The following JHY variants were observed in gnomAD, a reference collection of about 807,000 sequenced individuals.
JHY encodes jhy protein homolog.
Under a neutral mutation model 78.0 loss-of-function variants are expected in JHY, and 69 were observed. The ratio of observed to expected loss-of-function variants is 0.88; its 90% CI spans 0.73 to 1.08. The LOEUF is 1.08. Ranked by LOEUF, JHY falls within the 50% of genes least tolerant of loss-of-function variation. JHY has a pLI of 0.00. For missense variants in JHY, 944 were observed against 927.8 expected (o/e 1.02, Z -0.23); for synonymous variants, 368 against 342.6 (o/e 1.07, Z -0.82).
At chr11:122,940,441 T>C (rs557286870) in intron 5 of JHY, among the ~76,000 whole-genome samples, 3 of 152,350 alleles carry the variant, frequency 2.0e-5, no homozygotes, top group South Asian at 4.1e-4. Flanking sequence ...TGGATAGTTA[T>C]ATTTAGGTTG....
At chr11:122,887,728 G>A (rs1862526941) in intron 2 of JHY, among the ~76,000 whole-genome samples, 1 of 152,036 alleles carries the variant, frequency 6.6e-6, no homozygotes, top group South Asian at 2.1e-4. Context: ...GATAACAGAA[G>A]AGAATGGGAG....
intron 6 of JHY, among the ~76,000 whole-genome samples, chr11:122,955,131 T>C (rs2135382469): frequency 6.6e-6 from 1 of 152,256 alleles, no homozygotes; most frequent in Non-Finnish European, 1.5e-5. Flanking sequence ...TTGTTGTTGT[T>C]GTTGTTTTAA....
chr11:122,913,457 A>G (rs577115180), intron 3 of JHY, among the ~76,000 whole-genome samples: 1 of 152,266 alleles, frequency 6.6e-6, no homozygotes, highest in Non-Finnish European at 1.5e-5. Context: ...AGTGGTACGA[A>G]AGGCCCTTCC....
At position 122,904,452 on chromosome 11, in the gene JHY, G is replaced by A; in HGVS notation, c.864+8G>A. On this transcript the variant is annotated splice_region_variant and intron_variant, in intron 3 of 8. Coordinates refer to ENST00000227349, the MANE Select transcript of JHY (RefSeq NM_024806.4). ...GAATCTCATCCAGAACAGGTACGTA[G>A]TGGCTACTTTAAAATGTCTTCTGAA... The A allele has an allele frequency of 6.3e-7, 1 of 1,596,394 alleles. No individual in the cohort carries two copies.
chr11:122,960,864 G>A lies in JHY; in HGVS notation c.*1419G>A. ...GCAGAGGAATAACATTGCTATGGCTGTGGAGGTTACTTACTGGGAATGACT... is the reference window on the plus strand; with the variant it reads ...GCAGAGGAATAACATTGCTATGGCTATGGAGGTTACTTACTGGGAATGACT... On this transcript the variant is annotated 3_prime_UTR_variant, in exon 9 of 9. Coordinates refer to ENST00000227349, the MANE Select transcript of JHY (RefSeq NM_024806.4). 3.0e-6 allele frequency: 2 copies of A among 673,438 alleles called. No individual in the cohort carries two copies. Among genetic ancestry groups the A allele is most frequent in the Non-Finnish European group, 5.8e-6 (2 of 345,652 alleles). 41.7% of individuals were successfully genotyped at this position (673,438 alleles called of 1,614,324 possible).
chr11:122,946,902 A>G (rs547986990), intron 6 of JHY, 110 bp downstream of exon 6: 2 of 1,338,408 alleles, frequency 1.5e-6, no homozygotes, highest in East Asian at 4.8e-5. Flanking sequence ...AGTTGCTGCC[A>G]CACTGGGTCG....
rs1171035544 is a variant in JHY, at chr11:122,904,226, A to G, written c.646A>G (p.Ser216Gly). ...CAAGCCGTTTTCAGAGCTGAGCGAC[A>G]GTGACCTGGAGGAGAAGTCGAGCAG... ...RSKPFSELSD[S>G]DLEEKSSSLS... The change falls in exon 3 of 9, where the codon AGT (serine) becomes GGT (glycine). Residue 216 changes from serine to glycine, a missense_variant. Physicochemically the swap from Ser to Gly is moderately conservative, Grantham distance 56. Transcript: ENST00000227349. 1 of 1,614,044 alleles carries G rather than the reference A, an allele frequency of 6.2e-7. No homozygotes were observed. The highest frequency in any genetic ancestry group is 2.2e-5 in the East Asian group (1 of 44,886).
intron 3 of JHY, among the ~76,000 whole-genome samples, chr11:122,915,859 G>T (rs527862564): frequency 6.6e-6 from 1 of 152,278 alleles, no homozygotes; most frequent in Admixed American, 6.5e-5. Flanking sequence ...TTAGGGCACT[G>T]CAGGCAAAGG....
At chr11:122,884,826 G>A (rs1862460011) in intron 1 of JHY, among the ~76,000 whole-genome samples, 1 of 151,962 alleles carries the variant, frequency 6.6e-6, no homozygotes, top group Non-Finnish European at 1.5e-5. Context: ...TTCTGATAGG[G>A]TCACGTTCTG....
In JHY at chr11:122,904,527, T is replaced by C. The variant is rs908818428; in HGVS notation, c.864+83T>C. 6.4e-5 allele frequency: 92 copies of C among 1,435,096 alleles called. No individual in the cohort carries two copies. The African/African-American group carries it at 1.2e-3, about 19-fold the overall frequency. The allele number at this position is 1,435,096 out of a possible 1,614,324, so 88.9% of individuals were successfully genotyped here. On this transcript the variant is annotated intron_variant, in intron 3 of 8. Coordinates refer to ENST00000227349, the MANE Select transcript of JHY (RefSeq NM_024806.4). Reference sequence around the variant, plus strand: ...TTTGCAGTGTCTAGATATCGCTTCCTTTAAGATGACGATGTCATAGCAGCC... The same window carrying C: ...TTTGCAGTGTCTAGATATCGCTTCCCTTAAGATGACGATGTCATAGCAGCC...
intron 3 of JHY, among the ~76,000 whole-genome samples, chr11:122,914,685 T>C (rs1863200160): frequency 6.6e-6 from 1 of 152,026 alleles, no homozygotes; most frequent in Non-Finnish European, 1.5e-5. Context: ...CCTCATGATC[T>C]GCCCGCCTCA....
At chr11:122,889,831 T>C (rs1042542593) in intron 2 of JHY, among the ~76,000 whole-genome samples, 1 of 152,204 alleles carries the variant, frequency 6.6e-6, no homozygotes, top group Non-Finnish European at 1.5e-5. Context: ...CGATCTTGGC[T>C]CACTGCAACC....
At chr11:122,903,074 G>C (rs1862896477) in intron 2 of JHY, among the ~76,000 whole-genome samples, 1 of 152,210 alleles carries the variant, frequency 6.6e-6, no homozygotes, top group Admixed American at 6.5e-5. Context: ...ATTGTACTAT[G>C]ATATTCCAAG....
In JHY at chr11:122,960,124, C is replaced by G. The variant is rs1864280947; in HGVS notation, c.*679C>G. ...TGGCGCATGTCTATAGTTCCAGGTA[C>G]TCAGGAGGCTGAGGCACAAGAATTG... On this transcript the variant is annotated 3_prime_UTR_variant, in exon 9 of 9. Coordinates refer to ENST00000227349, the MANE Select transcript of JHY (RefSeq NM_024806.4). 6.6e-6 allele frequency among the ~76,000 whole-genome samples: 1 copy of G among 152,076 alleles called. No individual in the cohort carries two copies. The highest frequency in any genetic ancestry group is 2.1e-4 in the South Asian group (1 of 4,814).
In JHY at chr11:122,959,277, A is replaced by T. The variant is rs764274261; in HGVS notation, c.2169A>T (p.Lys723Asn). ...KALEYAKTIPKPKPSNLTHQA... is the reference protein window; with the variant it reads ...KALEYAKTIPNPKPSNLTHQA... Reference sequence around the variant, plus strand: ...TGGAATACGCTAAGACCATCCCCAAACCCAAACCATCAAATCTGACTCATC... The same window carrying T: ...TGGAATACGCTAAGACCATCCCCAATCCCAAACCATCAAATCTGACTCATC... The change falls in exon 9 of 9, where the codon AAA becomes AAT. Residue 723 changes from lysine to asparagine, a missense_variant. Lys to Asn is a moderately conservative substitution (Grantham distance 94). Transcript: ENST00000227349. 9.9e-6 allele frequency: 16 copies of T among 1,614,154 alleles called. No individual in the cohort carries two copies. The highest frequency in any genetic ancestry group is 3.3e-5 in the South Asian group (3 of 91,082).
chr11:122,905,728 G>A (rs1215070719), intron 3 of JHY: 1 of 315,724 alleles, frequency 3.2e-6, no homozygotes, highest in Non-Finnish European at 4.6e-6. Flanking sequence ...TTAGCCGGGT[G>A]TGGTGATGCA....
chr11:122,889,871 G>C (rs1396768443), intron 2 of JHY, among the ~76,000 whole-genome samples: 2 of 152,080 alleles, frequency 1.3e-5, no homozygotes, highest in Non-Finnish European at 2.9e-5. Flanking sequence ...TGATTCTCGT[G>C]CTTCAGCCTC....
intron 5 of JHY, among the ~76,000 whole-genome samples, chr11:122,940,844 CTTCT>C (rs1423298891): frequency 7.1e-6 from 1 of 141,398 alleles, no homozygotes; most frequent in East Asian, 2.0e-4. Context: ...TCCTTCCTTC[CTTCT>C]TTATCTCTCT....
Position 122,959,571 on chromosome 11 carries a change from G to A in JHY, c.*126G>A, listed in dbSNP as rs1314068965. The A allele has an allele frequency of 5.6e-6, 5 of 894,676 alleles. No individual in the cohort carries two copies. The highest frequency in any genetic ancestry group is 8.3e-6 in the Non-Finnish European group (5 of 601,484). The allele number at this position is 894,676 out of a possible 1,614,324, so 55.4% of individuals were successfully genotyped here. Reference sequence around the variant, plus strand: ...TATCATCTATCTGCCGTCCATGTTTGCTTTCTGCAGGATTTAAAATATGAG... The same window carrying A: ...TATCATCTATCTGCCGTCCATGTTTACTTTCTGCAGGATTTAAAATATGAG... On this transcript the variant is annotated 3_prime_UTR_variant, in exon 9 of 9. Coordinates refer to ENST00000227349, the MANE Select transcript of JHY (RefSeq NM_024806.4).
Sources: allele counts gnomAD v4.1 joint callset (sites outside exome capture counted in the v4.1 genomes callset), GRCh38; gene constraint gnomAD v4.1.1; transcripts MANE v1.5; gene names NCBI Gene and HGNC (gene_info 2026-07-23, HGNC 2026-07-21).